TPD52: variants seen among roughly 807,000 people sequenced by gnomAD.
TPD52 encodes the protein tumor protein D52.
Under a neutral mutation model 31.3 loss-of-function variants are expected in TPD52, and 17 were observed. The observed-to-expected ratio is 0.54, with a 90% CI of 0.37 to 0.82. TPD52 has a LOEUF of 0.82. TPD52 is among the 40% of genes least tolerant of loss of function. The pLI, the probability that TPD52 is intolerant of heterozygous loss-of-function variation, is 0.00. For synonymous variants in TPD52, 83 were observed against 89.6 expected, an observed-to-expected ratio of 0.93 and a Z score of 0.42; for missense variants, 212 against 240.1, an observed-to-expected ratio of 0.88 and a Z score of 0.77.
intron 7 of TPD52, among the ~76,000 whole-genome samples, chr8:80,039,153 C>T (rs1810140166): frequency 6.6e-6 from 1 of 152,172 alleles, no homozygotes; most frequent in Admixed American, 6.5e-5. Context: ...CACTCTCATT[C>T]TTTTTGATCT....
intron 1 of TPD52, among the ~76,000 whole-genome samples, chr8:80,137,996 G>A (rs577612427): frequency 6.6e-6 from 1 of 152,078 alleles, no homozygotes; most frequent in East Asian, 1.9e-4. Flanking sequence ...CCAGGCTGGA[G>A]TGCAATGGCA....
At chr8:80,087,135 CTT>C (rs912655496) in intron 1 of TPD52, among the ~76,000 whole-genome samples, 1 of 151,382 alleles carries the variant, frequency 6.6e-6, no homozygotes, top group African/African-American at 2.4e-5. Flanking sequence ...TGCAGGTGTC[CTT>C]TTTTTTTCCC....
At chr8:80,148,488 G>C (rs1250084226) in intron 1 of TPD52, among the ~76,000 whole-genome samples, 1 of 152,042 alleles carries the variant, frequency 6.6e-6, no homozygotes, top group Non-Finnish European at 1.5e-5. Context: ...GTGAGATTTT[G>C]GTGGATTTGA....
intron 1 of TPD52, among the ~76,000 whole-genome samples, chr8:80,122,543 T>TC (rs1350971005): frequency 6.6e-6 from 1 of 152,116 alleles, no homozygotes; most frequent in Admixed American, 6.5e-5. Flanking sequence ...AAGTAAGCAG[T>TC]CCACCTATCA....
chr8:80,124,157 T>C (rs1808442394), intron 1 of TPD52, among the ~76,000 whole-genome samples: 1 of 130,638 alleles, frequency 7.7e-6, no homozygotes, highest in Non-Finnish European at 1.6e-5. Context: ...AGCATGTTTC[T>C]CTCTCTCTCT....
intron 1 of TPD52, among the ~76,000 whole-genome samples, chr8:80,109,170 A>G (rs1807334148): frequency 6.6e-6 from 1 of 152,184 alleles, no homozygotes; most frequent in South Asian, 2.1e-4. Flanking sequence ...ACGAGAAGAG[A>G]AGAATTCACC....
intron 1 of TPD52, among the ~76,000 whole-genome samples, chr8:80,155,143 A>T (rs12543484): frequency 0.45 from 68,416 of 151,438 alleles, 15,650 homozygotes; most frequent in East Asian, 0.72. Flanking sequence ...GATTACAGGC[A>T]TAAACAACTG....
At chr8:80,156,256 T>G (rs1810966916) in intron 1 of TPD52, among the ~76,000 whole-genome samples, 1 of 152,170 alleles carries the variant, frequency 6.6e-6, no homozygotes, top group Non-Finnish European at 1.5e-5. Flanking sequence ...GCCTCCAGCA[T>G]GCAGACTCAG....
At chr8:80,152,780 C>CAAAAAAAAAAAAAAAAA (rs57456374) in intron 1 of TPD52, among the ~76,000 whole-genome samples, 1 of 83,526 alleles carries the variant, frequency 1.2e-5, no homozygotes, top group African/African-American at 5.1e-5. Flanking sequence ...GACTCCGTCT[C>CAAAAAAAAAAAAAAAAA]AAAAAAAAAA....
chr8:80,069,978 T>C (rs1813588140), intron 1 of TPD52, among the ~76,000 whole-genome samples: 1 of 152,226 alleles, frequency 6.6e-6, no homozygotes, highest in African/African-American at 2.4e-5. Context: ...TCACAGTGCC[T>C]AGAACAGTCA....
chr8:80,096,697 C>G (rs2130910755), intron 1 of TPD52, among the ~76,000 whole-genome samples: 1 of 152,164 alleles, frequency 6.6e-6, no homozygotes, highest in Admixed American at 6.5e-5. Context: ...TTTTGGGATG[C>G]CACAAACGAC....
At chr8:80,063,647 A>T (rs576868730) in intron 2 of TPD52, among the ~76,000 whole-genome samples, 35 of 152,090 alleles carry the variant, frequency 2.3e-4, no homozygotes, top group African/African-American at 8.4e-4. Flanking sequence ...AAATACAAAA[A>T]TTAGCTGAGC....
chr8:80,144,836 T>G (rs1166169876), intron 1 of TPD52, among the ~76,000 whole-genome samples: 2 of 152,076 alleles, frequency 1.3e-5, no homozygotes, highest in Non-Finnish European at 2.9e-5. Context: ...TGTCTAAATT[T>G]GTAGGTCATC....
intron 1 of TPD52, among the ~76,000 whole-genome samples, chr8:80,161,732 A>AT (rs869141433): frequency 0.017 from 1,252 of 72,498 alleles, 30 homozygotes; most frequent in African/African-American, 0.042. Flanking sequence ...ATATATATAT[A>AT]TTTTTTTTTT....
downstream of TPD52, among the ~76,000 whole-genome samples, chr8:80,033,805 G>A (rs949062594): frequency 6.6e-6 from 1 of 152,156 alleles, no homozygotes; most frequent in Non-Finnish European, 1.5e-5. Flanking sequence ...CTGGCTGAGT[G>A]TGGGGTTTTT....
intron 2 of TPD52, among the ~76,000 whole-genome samples, chr8:80,062,674 A>G (rs1307740733): frequency 6.6e-6 from 1 of 152,214 alleles, no homozygotes; most frequent in Non-Finnish European, 1.5e-5. Flanking sequence ...AAAAAACTTG[A>G]AACATGGGCC....
intron 1 of TPD52, chr8:80,158,997 G>A (rs970486120): frequency 6.9e-6 from 1 of 144,538 alleles, no homozygotes; most frequent in Non-Finnish European, 1.5e-5. Context: ...CAATAGAACC[G>A]CATCGAAAAT....
At chr8:80,044,914 C>A (rs1307809424) in intron 5 of TPD52, among the ~76,000 whole-genome samples, 1 of 152,114 alleles carries the variant, frequency 6.6e-6, no homozygotes, top group Non-Finnish European at 1.5e-5. Context: ...ATATTTTGTG[C>A]GCTTATGATT....
chr8:80,154,001 T>G (rs1285089266), intron 1 of TPD52, among the ~76,000 whole-genome samples: 1 of 152,214 alleles, frequency 6.6e-6, no homozygotes. Flanking sequence ...TCCCTCCCTA[T>G]GCGCCCTTTC....
Sources: allele counts gnomAD v4.1 joint callset (sites outside exome capture counted in the v4.1 genomes callset), GRCh38; gene constraint gnomAD v4.1.1; transcripts MANE v1.5; gene names NCBI Gene and HGNC (gene_info 2026-07-23, HGNC 2026-07-21).